EEPD1: variants seen among roughly 807,000 people sequenced by gnomAD.
EEPD1 encodes endonuclease/exonuclease/phosphatase family domain containing 1, also known as endonuclease/exonuclease/phosphatase family domain-containing protein 1.
Under a neutral mutation model 46.3 loss-of-function variants are expected in EEPD1, and 17 were observed. The observed-to-expected ratio is 0.37, with a 90% CI of 0.25 to 0.55. EEPD1 has a LOEUF of 0.55. EEPD1 is among the 20% of genes least tolerant of loss of function. The pLI, the probability that EEPD1 is intolerant of heterozygous loss-of-function variation, is 0.83. For missense variants in EEPD1, 673 were observed against 745.6 expected, an observed-to-expected ratio of 0.90 and a Z score of 1.13; for synonymous variants, 313 against 315.6, an observed-to-expected ratio of 0.99 and a Z score of 0.09.
chr7:36,223,482 C>T (rs914988169), intron 2 of EEPD1, among the ~76,000 whole-genome samples: 1 of 152,202 alleles, frequency 6.6e-6, no homozygotes, highest in Non-Finnish European at 1.5e-5. Flanking sequence ...CCCCACCCCT[C>T]ATTAGAACGT....
intron 2 of EEPD1, among the ~76,000 whole-genome samples, chr7:36,179,646 G>A (rs1347870828): frequency 7.0e-6 from 1 of 142,146 alleles, no homozygotes; most frequent in African/African-American, 2.6e-5. Flanking sequence ...AGATCATTTA[G>A]GCCAGGAGTT....
intron 2 of EEPD1, among the ~76,000 whole-genome samples, chr7:36,155,608 A>G (rs1001262664): frequency 1.3e-5 from 2 of 152,232 alleles, no homozygotes; most frequent in Non-Finnish European, 2.9e-5. Context: ...TATTTGTTCC[A>G]TCAAATATGC....
At chr7:36,219,806 A>AGAGAGAGTGT (rs1341203087) in intron 2 of EEPD1, among the ~76,000 whole-genome samples, 86 of 75,432 alleles carry the variant, frequency 1.1e-3, no homozygotes, top group African/African-American at 3.6e-3. Context: ...AGAGAGAGAG[A>AGAGAGAGTGT]GTGTGTGTGT....
rs143923969 is a variant in EEPD1 at position 36,215,234 on chromosome 7, G to A, written c.879-23751G>A. Among the ~76,000 whole-genome samples, 828 of 152,284 alleles carry A rather than the reference G, an allele frequency of 5.4e-3. 9 individuals are homozygous for A. Among genetic ancestry groups the A allele is most frequent in the Non-Finnish European group, 9.4e-3 (640 of 68,018 alleles). ...TGCCCTCCCTGTGACTCTGCACCCC[G>A]CAGCGCTGCACCAGGGCAGTAGGCG... On this transcript the variant is annotated intron_variant, in intron 2 of 7. Transcript: ENST00000242108.
At chr7:36,245,240 G>T (rs1046556934) in intron 3 of EEPD1, among the ~76,000 whole-genome samples, 13 of 152,102 alleles carry the variant, frequency 8.5e-5, no homozygotes, top group African/African-American at 3.1e-4. Flanking sequence ...GAGCTACCGC[G>T]CCTGGCCACA....
chr7:36,253,762 A>G (rs1786783060), intron 3 of EEPD1, among the ~76,000 whole-genome samples: 1 of 152,022 alleles, frequency 6.6e-6, no homozygotes, highest in African/African-American at 2.4e-5. Flanking sequence ...GCTTTCTTAC[A>G]GTTGCTATTT....
At chr7:36,293,958 C>A in intron 6 of EEPD1, among the ~76,000 whole-genome samples, 1 of 149,720 alleles carries the variant, frequency 6.7e-6, no homozygotes, top group African/African-American at 2.5e-5. Flanking sequence ...AGTGAGACTC[C>A]ATCTCAAAAA....
chr7:36,267,567 A>G (rs955641222), intron 3 of EEPD1, among the ~76,000 whole-genome samples: 9 of 152,136 alleles, frequency 5.9e-5, no homozygotes, highest in African/African-American at 2.2e-4. Flanking sequence ...TCCCCAACTA[A>G]GTGAACACCA....
intron 2 of EEPD1, among the ~76,000 whole-genome samples, chr7:36,198,774 C>G (rs1050310119): frequency 6.6e-6 from 1 of 152,150 alleles, no homozygotes; most frequent in Admixed American, 6.5e-5. Flanking sequence ...GTCTCCTTCC[C>G]AGGAGGCCTC....
chr7:36,297,151 A>G lies in EEPD1; in HGVS notation c.1474A>G (p.Ile492Val), dbSNP rs751469851. The G allele has an allele frequency of 3.7e-6, 6 of 1,614,224 alleles. No individual in the cohort carries two copies. The East Asian group carries it at 1.3e-4, about 36-fold the overall frequency. Residue 492 changes from isoleucine to valine, a missense_variant, in exon 7 of 8, where the codon ATC (isoleucine) becomes GTC (valine). Transcript: ENST00000242108. ...NPQGSKSLDN[I>V]WISKSLKKVF... Reference sequence around the variant, plus strand: ...TCAAGGCTCGAAGTCTCTGGACAACATCTGGATCAGTAAAAGCTTAAAGAA... The same window carrying G: ...TCAAGGCTCGAAGTCTCTGGACAACGTCTGGATCAGTAAAAGCTTAAAGAA...
intron 6 of EEPD1, 36 bp downstream of exon 6, chr7:36,287,813 T>C (rs1385220217): frequency 6.2e-7 from 1 of 1,607,596 alleles, no homozygotes; most frequent in Non-Finnish European, 8.5e-7. Flanking sequence ...TCGGCCACTG[T>C]TTTGCAGAGC....
chr7:36,170,668 C>A (rs947773955), intron 2 of EEPD1, among the ~76,000 whole-genome samples: 7 of 151,218 alleles, frequency 4.6e-5, no homozygotes. Context: ...TACATATATG[C>A]CCTTAGACAT....
intron 2 of EEPD1, among the ~76,000 whole-genome samples, chr7:36,215,241 T>A (rs1473574151): frequency 6.6e-6 from 1 of 152,212 alleles, no homozygotes. Context: ...CCCGCAGCGC[T>A]GCACCAGGGC....
chr7:36,162,271 A>AACCCTGGAGAGGTGTG, intron 2 of EEPD1, among the ~76,000 whole-genome samples: 1 of 152,238 alleles, frequency 6.6e-6, no homozygotes, highest in Non-Finnish European at 1.5e-5. Flanking sequence ...AGTGGCTGGG[A>AACCCTGGAGAGGTGTG]ACCCTGGAGA....
intron 3 of EEPD1, among the ~76,000 whole-genome samples, chr7:36,262,030 C>T (rs1055954157): frequency 6.6e-6 from 1 of 152,230 alleles, no homozygotes. Flanking sequence ...AAAGCGTTCA[C>T]TGACATTCCT....
chr7:36,183,503 A>G (rs764955283), intron 2 of EEPD1, among the ~76,000 whole-genome samples: 4 of 152,058 alleles, frequency 2.6e-5, no homozygotes, highest in African/African-American at 9.7e-5. Flanking sequence ...AAAACTGCCA[A>G]TCTGTTTGTG....
chr7:36,252,438 G>T (rs1241121972), intron 3 of EEPD1, among the ~76,000 whole-genome samples: 1 of 152,166 alleles, frequency 6.6e-6, no homozygotes, highest in Non-Finnish European at 1.5e-5. Context: ...GGCTGGTTTT[G>T]TGAACTTGTC....
At chr7:36,192,470 C>T (rs909550256) in intron 2 of EEPD1, among the ~76,000 whole-genome samples, 8 of 151,762 alleles carry the variant, frequency 5.3e-5, no homozygotes, top group African/African-American at 1.9e-4. Context: ...AGGACAGTGA[C>T]ACTGTCTATT....
chr7:36,170,046 T>G (rs931585762), intron 2 of EEPD1, among the ~76,000 whole-genome samples: 1 of 152,196 alleles, frequency 6.6e-6, no homozygotes, highest in Non-Finnish European at 1.5e-5. Flanking sequence ...GAAATAACCT[T>G]GAAGGAACAC....
Sources: allele counts gnomAD v4.1 joint callset (sites outside exome capture counted in the v4.1 genomes callset), GRCh38; gene constraint gnomAD v4.1.1; transcripts MANE v1.5; gene names NCBI Gene and HGNC (gene_info 2026-07-23, HGNC 2026-07-21).